The following MEF2A variants were observed in gnomAD, a reference collection of about 807,000 sequenced individuals.
MEF2A encodes myocyte-specific enhancer factor 2A.
MEF2A carries 28 observed loss-of-function variants against 55.8 expected under a neutral mutation model. The observed-to-expected ratio is 0.50, with a 90% confidence interval of 0.37 to 0.69. The LOEUF (loss-of-function observed/expected upper bound fraction) is 0.69, where lower values mean the gene tolerates loss of function less well. Among genes scored for constraint, MEF2A ranks in the 30% least tolerant of loss-of-function variants. MEF2A has a pLI of 0.00. For missense variants in MEF2A, 528 were observed against 626.2 expected, an observed-to-expected ratio of 0.84 and a Z score of 1.67; for synonymous variants, 239 against 227.1, an observed-to-expected ratio of 1.05 and a Z score of -0.47.
At chr15:99,708,739 T>C (rs1000881846) in intron 10 of MEF2A, among the ~76,000 whole-genome samples, 2 of 152,198 alleles carry the variant, frequency 1.3e-5, no homozygotes, top group African/African-American at 4.8e-5. Context: ...CACACAGCTC[T>C]AGGGATAAGC....
At chr15:99,706,972 G>C in intron 10 of MEF2A, 117 bp downstream of exon 10, 1 of 1,260,550 alleles carries the variant, frequency 7.9e-7, no homozygotes, top group East Asian at 2.6e-5. Flanking sequence ...CAGTTTTTTA[G>C]ATTTAAATTA....
intron 3 of MEF2A, among the ~76,000 whole-genome samples, chr15:99,638,880 G>C (rs1334288841): frequency 6.6e-6 from 1 of 152,028 alleles, no homozygotes; most frequent in South Asian, 2.1e-4. Context: ...AGAGATTATA[G>C]AATCTTAGCA....
chr15:99,584,547 G>C (rs542406159), intron 1 of MEF2A, among the ~76,000 whole-genome samples: 7 of 151,302 alleles, frequency 4.6e-5, no homozygotes, highest in African/African-American at 1.5e-4. Flanking sequence ...GATGAATCTT[G>C]AAAACATGTT....
At chr15:99,583,217 T>C (rs560042161) in intron 1 of MEF2A, among the ~76,000 whole-genome samples, 4 of 152,274 alleles carry the variant, frequency 2.6e-5, no homozygotes, top group African/African-American at 9.6e-5. Flanking sequence ...GTTGGTATTA[T>C]ACTGCTGGAT....
At chr15:99,663,494 T>C (rs1029799330) in intron 4 of MEF2A, among the ~76,000 whole-genome samples, 6 of 151,960 alleles carry the variant, frequency 3.9e-5, no homozygotes, top group Non-Finnish European at 8.8e-5. Flanking sequence ...TTTAAAATTT[T>C]AGACAAGCTT....
chr15:99,571,013 C>T (rs975702062), intron 1 of MEF2A, among the ~76,000 whole-genome samples: 3 of 151,922 alleles, frequency 2.0e-5, no homozygotes, highest in Admixed American at 1.3e-4. Context: ...GGTGAAACCC[C>T]GTTTCCACTA....
Position 99,712,663 on chromosome 15 carries a change from T to C in MEF2A, c.1410T>C (p.Asp470=). 1 of 1,556,218 alleles carries C rather than the reference T, an allele frequency of 6.4e-7. No homozygotes were observed. The highest frequency in any genetic ancestry group is 1.4e-5 in the African/African-American group (1 of 73,282). The stretch of plus-strand genomic sequence containing the variant: ...CCTATGATGGCAGTGATCGGGAGGA[T>C]CCACGGGGCGACTTCCATTCTCCAA... ...SSSYDGSDRE[D]PRGDFHSPIV... The change falls in exon 12 of 12, where the codon GAT becomes GAC. Residue 470 remains aspartate, a synonymous_variant. Coordinates refer to ENST00000557942, the MANE Select transcript of MEF2A (RefSeq NM_001319206.4). The surrounding 1 kb of genome is among the most constrained non-coding windows in gnomAD (Gnocchi z 4.1).
intron 8 of MEF2A, among the ~76,000 whole-genome samples, chr15:99,701,230 C>A (rs999000756): frequency 2.6e-5 from 4 of 152,228 alleles, no homozygotes; most frequent in Non-Finnish European, 1.5e-5. Context: ...GACATAAAGA[C>A]AACATGTGCC....
intron 4 of MEF2A, among the ~76,000 whole-genome samples, chr15:99,661,218 C>G (rs1596917668): frequency 6.6e-6 from 1 of 152,050 alleles, no homozygotes; most frequent in African/African-American, 2.4e-5. Context: ...ACAAAATTAC[C>G]TCCAGGATGC....
At chr15:99,702,479 G>A (rs2057521453) in intron 8 of MEF2A, among the ~76,000 whole-genome samples, 2 of 147,818 alleles carry the variant, frequency 1.4e-5, no homozygotes, top group Non-Finnish European at 3.0e-5. Context: ...CCAGGCTGGA[G>A]TGCAGTGGCG....
intron 2 of MEF2A, among the ~76,000 whole-genome samples, chr15:99,598,992 A>G (rs1195269043): frequency 1.3e-5 from 2 of 152,150 alleles, no homozygotes; most frequent in African/African-American, 2.4e-5. Context: ...ATCTTTTAAA[A>G]ATGTGGACAT....
chr15:99,619,180 G>T (rs1322793108), intron 2 of MEF2A, among the ~76,000 whole-genome samples: 1 of 152,172 alleles, frequency 6.6e-6, no homozygotes, highest in African/African-American at 2.4e-5. Flanking sequence ...GATTTCTGTG[G>T]TAGGGCTGGG....
chr15:99,616,678 A>AATAT (rs150640226), intron 2 of MEF2A, among the ~76,000 whole-genome samples: 1 of 150,758 alleles, frequency 6.6e-6, no homozygotes, highest in South Asian at 2.1e-4. Context: ...TACTAAAATA[A>AATAT]ATATATATAT....
Position 99,671,575 on chromosome 15 carries a change from A to G in MEF2A, c.390+121A>G, listed in dbSNP as rs201205600. ...GACAGCCCAGACCCTGATACTTCAT[A>G]TGTGCTAACTCCACATACAGAAGAA... On this transcript the variant is annotated intron_variant, in intron 5 of 11. Transcript: ENST00000557942. 2.1e-5 allele frequency: 34 copies of G among 1,611,562 alleles called. No homozygotes were observed. Among genetic ancestry groups the G allele is most frequent in the Non-Finnish European group, 2.6e-5 (31 of 1,178,328 alleles).
At chr15:99,593,785 G>A (rs1466282871) in intron 1 of MEF2A, among the ~76,000 whole-genome samples, 2 of 152,162 alleles carry the variant, frequency 1.3e-5, no homozygotes, top group Non-Finnish European at 2.9e-5. Flanking sequence ...GCTGAGTTAA[G>A]TTGTACCGTG....
intron 3 of MEF2A, among the ~76,000 whole-genome samples, chr15:99,639,413 A>G (rs1030326793): frequency 9.9e-5 from 15 of 152,166 alleles, no homozygotes; most frequent in African/African-American, 3.6e-4. Flanking sequence ...GTGTTTTGAG[A>G]TCCATCTGCT....
At chr15:99,601,805 TTTTGTGTGTG>T (rs1179433418) in intron 2 of MEF2A, among the ~76,000 whole-genome samples, 1 of 127,080 alleles carries the variant, frequency 7.9e-6, no homozygotes, top group Non-Finnish European at 1.6e-5. Context: ...TTTTTGTCTG[TTTTGTGTGTG>T]TGTGTGTGTG....
chr15:99,572,017 T>TG (rs1405687644), intron 1 of MEF2A, among the ~76,000 whole-genome samples: 108 of 151,568 alleles, frequency 7.1e-4, no homozygotes, highest in African/African-American at 2.5e-3. Flanking sequence ...ATAGAAGTTT[T>TG]TTTTTTTTTT....
At chr15:99,702,138 T>G (rs529909104) in intron 8 of MEF2A, among the ~76,000 whole-genome samples, 1 of 152,246 alleles carries the variant, frequency 6.6e-6, no homozygotes, top group Non-Finnish European at 1.5e-5. Context: ...TGTAAAGATA[T>G]CTATAACAAA....
Sources: allele counts gnomAD v4.1 joint callset (sites outside exome capture counted in the v4.1 genomes callset), GRCh38; gene constraint gnomAD v4.1.1; non-coding constraint Gnocchi (gnomAD v3.1); transcripts MANE v1.5; gene names NCBI Gene and HGNC (gene_info 2026-07-23, HGNC 2026-07-21).